Variants in TNFRSF10A observed in about 807,000 individuals in gnomAD.
TNFRSF10A encodes the protein tumor necrosis factor receptor superfamily member 10A.
TNFRSF10A carries 44 observed loss-of-function variants against 42.8 expected under a neutral mutation model. The observed-to-expected ratio is 1.03, with a 90% confidence interval of 0.81 to 1.32. TNFRSF10A has a LOEUF of 1.32. TNFRSF10A is among the 40% of genes most tolerant of loss of function. The pLI, the probability that TNFRSF10A is intolerant of heterozygous loss-of-function variation, is 0.00. For missense variants in TNFRSF10A, 680 were observed against 602.0 expected (o/e 1.13, Z -1.36); for synonymous variants, 259 against 234.2 (o/e 1.11, Z -0.97).
At chr8:23,218,134 G>C (rs532868138) in intron 1 of TNFRSF10A, among the ~76,000 whole-genome samples, 1 of 152,110 alleles carries the variant, frequency 6.6e-6, no homozygotes, top group Non-Finnish European at 1.5e-5. Context: ...GGGCTCATGG[G>C]GGTGTGAGGT....
In TNFRSF10A at chr8:23,212,124, C is replaced by T; in HGVS notation, c.395G>A (p.Cys132Tyr). The T allele has an allele frequency of 6.2e-7, 1 of 1,613,380 alleles. No homozygotes were observed. Among genetic ancestry groups the T allele is most frequent in the African/African-American group, 1.3e-5 (1 of 75,018 alleles). The change falls in exon 2 of 10, where the codon TGT becomes TAT. Residue 132 changes from cysteine (C) to tyrosine (Y), a missense_variant. Coordinates refer to ENST00000221132, the MANE Select transcript of TNFRSF10A (RefSeq NM_003844.4). ...TCAGTCTTAGAATGTACCTGGTGGA[C>T]ACAACTCTCCCAAAGGGCTATGTTC... is the stretch of plus-strand genomic sequence containing the variant. Reference protein sequence around the residue: ...QWEHSPLGELCPPGSHRSEHP... With the variant: ...QWEHSPLGELYPPGSHRSEHP...
intron 9 of TNFRSF10A, 145 bp from the exon 10 acceptor site, chr8:23,192,158 A>G: frequency 4.2e-6 from 6 of 1,412,180 alleles, no homozygotes; most frequent in East Asian, 2.5e-5. Context: ...TTGCCCACCC[A>G]CCTCCCATCC....
At chr8:23,213,722 G>C (rs1801128644) in intron 1 of TNFRSF10A, among the ~76,000 whole-genome samples, 1 of 152,058 alleles carries the variant, frequency 6.6e-6, no homozygotes, top group African/African-American at 2.4e-5. Flanking sequence ...GGGATTACAA[G>C]CGTGAGCCAC....
At chr8:23,202,003 T>C in intron 3 of TNFRSF10A, 84 bp from the exon 4 acceptor site, 2 of 1,222,934 alleles carry the variant, frequency 1.6e-6, no homozygotes, top group African/African-American at 1.5e-5. Flanking sequence ...TCCCTCCCCC[T>C]CAGCTCAGCT....
intron 2 of TNFRSF10A, among the ~76,000 whole-genome samples, chr8:23,208,939 T>C (rs1388968868): frequency 1.3e-5 from 2 of 152,326 alleles, no homozygotes; most frequent in African/African-American, 4.8e-5. Flanking sequence ...CAGGGCATGT[T>C]AGAGGTCATC....
chr8:23,224,445 G>A (rs551311672), intron 1 of TNFRSF10A: 25 of 397,186 alleles, frequency 6.3e-5, no homozygotes, highest in Non-Finnish European at 1.1e-4. Context: ...GAGCTCTATC[G>A]ATTCCGAAAC....
At chr8:23,206,317 G>C (rs1057223182) in intron 2 of TNFRSF10A, among the ~76,000 whole-genome samples, 2 of 152,198 alleles carry the variant, frequency 1.3e-5, no homozygotes, top group Non-Finnish European at 2.9e-5. Flanking sequence ...GTACAGGAAT[G>C]TCCCAGGCCT....
At chr8:23,221,946 G>A (rs369213180) in intron 1 of TNFRSF10A, among the ~76,000 whole-genome samples, 3 of 151,584 alleles carry the variant, frequency 2.0e-5, no homozygotes, top group African/African-American at 7.3e-5. Context: ...GCGAGATCTC[G>A]GCTCACTGCA....
intron 2 of TNFRSF10A, among the ~76,000 whole-genome samples, chr8:23,211,114 C>G (rs1182720349): frequency 6.6e-6 from 1 of 152,116 alleles, no homozygotes; most frequent in Non-Finnish European, 1.5e-5. Context: ...AAAGGTAAAA[C>G]TTTCTCTATT....
intron 2 of TNFRSF10A, among the ~76,000 whole-genome samples, chr8:23,206,308 T>C (rs1032509680): frequency 4.6e-5 from 7 of 152,216 alleles, no homozygotes; most frequent in African/African-American, 1.4e-4. Flanking sequence ...CATAGTAGTG[T>C]ACAGGAATGT....
In TNFRSF10A at chr8:23,222,317, A is replaced by G. The variant is rs143294744; in HGVS notation, c.306+2439T>C. ...CTTCTAAAGGGCTGCCCGATACTTC[A>G]GGGAACATTGACATATGGACATATG... is the stretch of plus-strand genomic sequence containing the variant. On this transcript the variant is annotated intron_variant, in intron 1 of 9. Transcript: ENST00000221132. Among the ~76,000 whole-genome samples, 1,028 of 152,332 alleles carry G rather than the reference A, an allele frequency of 6.7e-3. 21 individuals carry two copies. Among genetic ancestry groups the G allele is most frequent in the African/African-American group, 0.023 (957 of 41,574 alleles).
At chr8:23,222,767 A>C (rs1801273978) in intron 1 of TNFRSF10A, among the ~76,000 whole-genome samples, 1 of 152,120 alleles carries the variant, frequency 6.6e-6, no homozygotes, top group Admixed American at 6.5e-5. Context: ...TTGGTGCCAT[A>C]ACCGCCCCCT....
At chr8:23,194,227 T>C (rs1003188289) in intron 9 of TNFRSF10A, among the ~76,000 whole-genome samples, 1 of 152,234 alleles carries the variant, frequency 6.6e-6, no homozygotes, top group African/African-American at 2.4e-5. Flanking sequence ...TGTTTATGTG[T>C]ATGTACATTT....
intron 1 of TNFRSF10A, among the ~76,000 whole-genome samples, chr8:23,220,040 C>A (rs559740474): frequency 5.9e-5 from 9 of 152,138 alleles, no homozygotes; most frequent in Admixed American, 5.9e-4. Context: ...ATTCACATCC[C>A]CTCCTGGCCA....
At chr8:23,214,889 A>G (rs1023710464) in intron 1 of TNFRSF10A, among the ~76,000 whole-genome samples, 3 of 152,246 alleles carry the variant, frequency 2.0e-5, no homozygotes, top group Admixed American at 1.3e-4. Context: ...CCCATGAAAT[A>G]CTAGAGTCAG....
chr8:23,208,669 G>A (rs887510664), intron 2 of TNFRSF10A, among the ~76,000 whole-genome samples: 1 of 152,066 alleles, frequency 6.6e-6, no homozygotes, highest in Non-Finnish European at 1.5e-5. Context: ...TGTTCGCCAG[G>A]ATGGTCTCAA....
chr8:23,200,572 C>A lies in TNFRSF10A; in HGVS notation c.732G>T (p.Leu244Phe), dbSNP rs1218223272. 2.5e-6 allele frequency: 4 copies of A among 1,614,216 alleles called. No homozygotes were observed. The highest frequency in any genetic ancestry group is 3.4e-6 in the Non-Finnish European group (4 of 1,180,030). The change falls in exon 6 of 10, where the codon TTG becomes TTT. Residue 244 changes from leucine (L) to phenylalanine (F), a missense_variant. Leu to Phe is a conservative substitution (Grantham distance 22). Transcript: ENST00000221132. ...GCAACGGAACAACCAAAGTCACAACCAAAATCACCCATATATTATGTCCAT... is the reference window on the plus strand; with the variant it reads ...GCAACGGAACAACCAAAGTCACAACAAAAATCACCCATATATTATGTCCAT... Reference protein sequence around the residue: ...SGNGHNIWVILVVTLVVPLLL... With the variant: ...SGNGHNIWVIFVVTLVVPLLL...
chr8:23,200,424 G>T, intron 6 of TNFRSF10A, 81 bp downstream of exon 6: 2 of 1,495,354 alleles, frequency 1.3e-6, no homozygotes, highest in Non-Finnish European at 9.3e-7. Flanking sequence ...ACTTGGGGCA[G>T]GGGTGAGCGT....
chr8:23,193,934 T>C (rs1056417911), intron 9 of TNFRSF10A, among the ~76,000 whole-genome samples: 2 of 152,222 alleles, frequency 1.3e-5, no homozygotes, highest in Non-Finnish European at 2.9e-5. Context: ...GGCTTTTATG[T>C]TGCTGTTCTA....
Sources: gnomAD v4.1 joint callset for allele counts (sites outside exome capture counted in the v4.1 genomes callset) on GRCh38, gnomAD v4.1.1 for gene constraint, MANE v1.5 for transcripts, NCBI Gene and HGNC (gene_info 2026-07-23, HGNC 2026-07-21) for gene names.